SCLT1: variants seen among roughly 807,000 people sequenced by gnomAD.
SCLT1 encodes the protein sodium channel and clathrin linker 1.
A neutral mutation model predicts 112.8 loss-of-function variants in SCLT1; 78 were observed. The observed-to-expected ratio is 0.69, with a 90% confidence interval of 0.58 to 0.83. The LOEUF is 0.83. SCLT1 is among the 40% of genes least tolerant of loss of function. The probability of loss-of-function intolerance (pLI) is 0.00; values close to 1 mark genes in which losing one functional copy is unlikely to be tolerated. For synonymous variants in SCLT1, 257 were observed against 254.7 expected (o/e 1.01, Z -0.09); for missense variants, 747 against 770.4 (o/e 0.97, Z 0.36).
intron 2 of SCLT1, among the ~76,000 whole-genome samples, chr4:129,063,504 C>T (rs1043654196): frequency 6.6e-6 from 1 of 152,098 alleles, no homozygotes; most frequent in African/African-American, 2.4e-5. Flanking sequence ...TCTCTAAATC[C>T]CAAAGAGTTG....
chr4:128,981,737 C>CA (rs57269555), intron 9 of SCLT1, among the ~76,000 whole-genome samples: 158 of 82,652 alleles, frequency 1.9e-3, no homozygotes, highest in South Asian at 4.0e-3. Flanking sequence ...TGCTCTCCCA[C>CA]AAAAAAAAAA....
intron 2 of SCLT1, among the ~76,000 whole-genome samples, chr4:129,050,090 T>C (rs1393417194): frequency 6.6e-6 from 1 of 152,238 alleles, no homozygotes; most frequent in Non-Finnish European, 1.5e-5. Flanking sequence ...TATGGCTGCA[T>C]AGTATTCCGT....
chr4:129,079,195 C>G (rs1204183628), intron 2 of SCLT1, among the ~76,000 whole-genome samples: 1 of 152,102 alleles, frequency 6.6e-6, no homozygotes, highest in Non-Finnish European at 1.5e-5. Context: ...ATCTCATATC[C>G]TCACACTGGA....
chr4:128,954,515 G>A (rs183361718), intron 13 of SCLT1, among the ~76,000 whole-genome samples: 13 of 151,850 alleles, frequency 8.6e-5, no homozygotes, highest in Non-Finnish European at 1.3e-4. Context: ...GGGTTTCACC[G>A]TGTTAGCCAG....
At chr4:129,081,608 G>A (rs1397923408) in intron 2 of SCLT1, among the ~76,000 whole-genome samples, 1 of 152,164 alleles carries the variant, frequency 6.6e-6, no homozygotes, top group Non-Finnish European at 1.5e-5. Context: ...GATCTCATGA[G>A]AACTCACTAT....
intron 18 of SCLT1, among the ~76,000 whole-genome samples, chr4:128,933,196 A>C (rs1430672208): frequency 6.6e-6 from 1 of 152,150 alleles, no homozygotes; most frequent in Admixed American, 6.5e-5. Context: ...ATTATGGCAC[A>C]AAAGACCAAA....
At chr4:128,876,953 C>T (rs142653161) in intron 3 of SCLT1, among the ~76,000 whole-genome samples, 79 of 152,268 alleles carry the variant, frequency 5.2e-4, no homozygotes, top group African/African-American at 1.8e-3. Context: ...TTTTTTGCTT[C>T]GATCCCACCA....
At chr4:128,894,953 C>T (rs895645915) in intron 18 of SCLT1, among the ~76,000 whole-genome samples, 3 of 152,158 alleles carry the variant, frequency 2.0e-5, no homozygotes, top group African/African-American at 7.2e-5. Context: ...GCTGGGATTA[C>T]AGGCATGAGC....
At chr4:129,008,016 T>C (rs1744183021) in intron 5 of SCLT1, among the ~76,000 whole-genome samples, 1 of 152,178 alleles carries the variant, frequency 6.6e-6, no homozygotes, top group Non-Finnish European at 1.5e-5. Context: ...CACCTGAGAC[T>C]ATCTCAACTC....
chr4:128,875,720 ATTATTT>A (rs1447912409), intron 4 of SCLT1, among the ~76,000 whole-genome samples: 3 of 151,722 alleles, frequency 2.0e-5, no homozygotes, highest in African/African-American at 4.8e-5. Context: ...GTGGTAGGCT[ATTATTT>A]TTATTAGGAA....
At chr4:129,026,271 C>G (rs1746066803) in intron 5 of SCLT1, among the ~76,000 whole-genome samples, 1 of 152,130 alleles carries the variant, frequency 6.6e-6, no homozygotes, top group Admixed American at 6.6e-5. Context: ...CACACCACAC[C>G]TATTCCAAAA....
chr4:128,925,768 T>C (rs1351785263), intron 18 of SCLT1, among the ~76,000 whole-genome samples: 1 of 152,100 alleles, frequency 6.6e-6, no homozygotes, highest in Non-Finnish European at 1.5e-5. Context: ...TCTCACTATG[T>C]TTCATTTTTG....
chr4:129,054,528 C>T (rs977262508), intron 2 of SCLT1, among the ~76,000 whole-genome samples: 14 of 151,856 alleles, frequency 9.2e-5, no homozygotes, highest in Admixed American at 3.9e-4. Context: ...TCCTTTCTTC[C>T]GCTTGATCGA....
At chr4:129,021,753 T>G (rs1745496171) in intron 5 of SCLT1, among the ~76,000 whole-genome samples, 1 of 152,212 alleles carries the variant, frequency 6.6e-6, no homozygotes, top group African/African-American at 2.4e-5. Flanking sequence ...CGTTCCTGCC[T>G]GCCGGTTGTG....
intron 5 of SCLT1, among the ~76,000 whole-genome samples, chr4:129,015,021 G>A (rs1281450263): frequency 6.6e-6 from 1 of 152,088 alleles, no homozygotes; most frequent in African/African-American, 2.4e-5. Context: ...GTGTGGGGGA[G>A]GATCTGCTGT....
At chr4:129,023,242 T>C (rs1006306028) in intron 5 of SCLT1, among the ~76,000 whole-genome samples, 4 of 152,188 alleles carry the variant, frequency 2.6e-5, no homozygotes, top group African/African-American at 7.2e-5. Context: ...CCTTAACTAA[T>C]GTGCAAAATA....
intron 2 of SCLT1, among the ~76,000 whole-genome samples, chr4:129,077,026 A>C (rs1361497906): frequency 6.6e-6 from 1 of 152,072 alleles, no homozygotes; most frequent in African/African-American, 2.4e-5. Flanking sequence ...ACATTGGAAG[A>C]CTTCAAATTT....
intron 8 of SCLT1, among the ~76,000 whole-genome samples, chr4:128,996,606 T>A (rs940424029): frequency 7.2e-5 from 11 of 152,188 alleles, no homozygotes; most frequent in Admixed American, 6.5e-5. Context: ...CTATTCATTA[T>A]ATACATTAAG....
At chr4:128,973,434 G>A (rs1467819681) in intron 9 of SCLT1, among the ~76,000 whole-genome samples, 1 of 148,166 alleles carries the variant, frequency 6.7e-6, no homozygotes, top group African/African-American at 2.5e-5. Context: ...TGGGGGGAGG[G>A]AGAGGGGAGG....
Sources: gnomAD v4.1 joint callset for allele counts (sites outside exome capture counted in the v4.1 genomes callset) on GRCh38, gnomAD v4.1.1 for gene constraint, MANE v1.5 for transcripts, NCBI Gene and HGNC (gene_info 2026-07-23, HGNC 2026-07-21) for gene names.